Variants in CFAP77 observed in about 807,000 individuals in gnomAD.
CFAP77 encodes the protein cilia- and flagella-associated protein 77.
In CFAP77, 25 loss-of-function variants were observed where a neutral mutation model predicts 31.1. That is an observed-to-expected ratio of 0.80 (90% CI 0.59 to 1.12). The LOEUF (loss-of-function observed/expected upper bound fraction) is 1.12, where lower values mean the gene tolerates loss of function less well. CFAP77 is among the 50% of genes most tolerant of loss of function. CFAP77 has a pLI of 0.00. For synonymous variants in CFAP77, 151 were observed against 159.9 expected (o/e 0.94, Z 0.42); for missense variants, 377 against 397.3 (o/e 0.95, Z 0.44).
intron 5 of CFAP77, among the ~76,000 whole-genome samples, chr9:132,548,352 G>A (rs1304652609): frequency 1.3e-5 from 2 of 152,108 alleles, no homozygotes; most frequent in Non-Finnish European, 2.9e-5. Flanking sequence ...TCAATGAGTA[G>A]ATGCAGCTTT....
intron 5 of CFAP77, among the ~76,000 whole-genome samples, chr9:132,549,427 G>A (rs534711789): frequency 8.5e-5 from 13 of 152,272 alleles, no homozygotes; most frequent in African/African-American, 3.1e-4. Flanking sequence ...GCGGAAATAG[G>A]GCAATGGGAA....
intron 3 of CFAP77, among the ~76,000 whole-genome samples, chr9:132,510,787 C>T (rs1047905166): frequency 6.6e-6 from 1 of 152,194 alleles, no homozygotes; most frequent in African/African-American, 2.4e-5. Flanking sequence ...CTAGAAACCG[C>T]TGGAGCCTTG....
At chr9:132,569,313 G>A (rs1829925439) in intron 5 of CFAP77, among the ~76,000 whole-genome samples, 1 of 152,044 alleles carries the variant, frequency 6.6e-6, no homozygotes. Flanking sequence ...AGGCAAGGCA[G>A]GAGGATCCCT....
intron 5 of CFAP77, among the ~76,000 whole-genome samples, chr9:132,560,552 C>T (rs1435366271): frequency 6.6e-6 from 1 of 152,184 alleles, no homozygotes; most frequent in Non-Finnish European, 1.5e-5. Flanking sequence ...ATTGGTATGG[C>T]TTCTCGAAGG....
rs2118968707 is a variant in CFAP77, at chr9:132,501,253, A to T, written c.524+1653A>T. 6.6e-6 allele frequency among the ~76,000 whole-genome samples: 1 copy of T among 152,274 alleles called. No homozygotes were observed. The highest frequency in any genetic ancestry group is 1.9e-4 in the East Asian group (1 of 5,182). On this transcript the variant is annotated intron_variant, in intron 3 of 5. Coordinates refer to ENST00000393216, the MANE Select transcript of CFAP77 (RefSeq NM_001282957.2). This position sits in a 1 kb window ranked among gnomAD's most constrained non-coding sequence, Gnocchi z 4.6. ...GGCTGTGCTTCCTGATTTTGGCTCC[A>T]TTCTCTGAGAAGCTTCTTCCTCACC...
intron 3 of CFAP77, among the ~76,000 whole-genome samples, chr9:132,505,695 G>A (rs1299782266): frequency 2.6e-5 from 4 of 152,170 alleles, no homozygotes; most frequent in Admixed American, 6.5e-5. Context: ...CTGGGCAAGT[G>A]GATCTGCGCT....
At chr9:132,459,861 AGTGT>A (rs375411946) in intron 1 of CFAP77, among the ~76,000 whole-genome samples, 102 of 139,432 alleles carry the variant, frequency 7.3e-4, no homozygotes, top group African/African-American at 2.5e-3. Context: ...TCTGTGTGTG[AGTGT>A]GTGTATGTGT....
In CFAP77 at chr9:132,501,867, C is replaced by T. The variant is rs983650521; in HGVS notation, c.524+2267C>T. On this transcript the variant is annotated intron_variant, in intron 3 of 5. Transcript: ENST00000393216. This position sits in a 1 kb window ranked among gnomAD's most constrained non-coding sequence, Gnocchi z 4.6. ...GAGTCAGGGGTGAAATCAGTCCCTG[C>T]AATCTACGTGGGCCGATGGTGGAAA... is the stretch of plus-strand genomic sequence containing the variant. Among the ~76,000 whole-genome samples, 1 of 152,168 alleles carries T rather than the reference C, an allele frequency of 6.6e-6. No individual in the cohort carries two copies. The highest frequency in any genetic ancestry group is 2.4e-5 in the African/African-American group (1 of 41,444).
At chr9:132,551,813 A>G (rs1852824233) in intron 5 of CFAP77, among the ~76,000 whole-genome samples, 2 of 152,178 alleles carry the variant, frequency 1.3e-5, no homozygotes, top group Admixed American at 6.5e-5. Context: ...GCTGATAAAC[A>G]CTAAAGACTT....
chr9:132,490,940 C>T lies in CFAP77; in HGVS notation c.196-7755C>T, dbSNP rs532450858. On this transcript the variant is annotated intron_variant, in intron 1 of 5. Coordinates refer to ENST00000393216, the MANE Select transcript of CFAP77 (RefSeq NM_001282957.2). This position sits in a 1 kb window ranked among gnomAD's most constrained non-coding sequence, Gnocchi z 4.6. ...CTCCAGGCACTCTGGTTTCCTTCCACATCCCAGAGATGTGCACATTAGGTG... is the reference window on the plus strand; with the variant it reads ...CTCCAGGCACTCTGGTTTCCTTCCATATCCCAGAGATGTGCACATTAGGTG... 2.6e-4 allele frequency among the ~76,000 whole-genome samples: 39 copies of T among 152,300 alleles called. No homozygotes were observed. The highest frequency in any genetic ancestry group is 9.1e-4 in the African/African-American group (38 of 41,572).
Position 132,537,692 on chromosome 9 carries a change from GAGA to G in CFAP77, c.622_624del (p.Lys208del), listed in dbSNP as rs377006774. On this transcript the variant is annotated inframe_deletion, in exon 4 of 6. Transcript: ENST00000393216. ...GGCCACCCAGAAAGCCATCAAACTG[GAGA>G]AGAAGCAGAAGGTAAATGCAGCCCT... 1 of 1,613,248 alleles carries G rather than the reference GAGA, an allele frequency of 6.2e-7. No individual in the cohort carries two copies. The highest frequency in any genetic ancestry group is 8.5e-7 in the Non-Finnish European group (1 of 1,179,510).
intron 1 of CFAP77, among the ~76,000 whole-genome samples, chr9:132,478,458 G>A (rs1176582325): frequency 6.6e-6 from 1 of 152,140 alleles, no homozygotes; most frequent in Non-Finnish European, 1.5e-5. Flanking sequence ...TGTACTCGCC[G>A]AGAACAGGAG....
chr9:132,462,505 T>C (rs1279486081), intron 1 of CFAP77, among the ~76,000 whole-genome samples: 1 of 152,096 alleles, frequency 6.6e-6, no homozygotes, highest in African/African-American at 2.4e-5. Flanking sequence ...CCTCCAGCAA[T>C]GGCCATTTCT....
At chr9:132,464,515 C>T (rs888950057) in intron 1 of CFAP77, among the ~76,000 whole-genome samples, 2 of 151,984 alleles carry the variant, frequency 1.3e-5, no homozygotes, top group African/African-American at 4.8e-5. Flanking sequence ...ACATTCAATA[C>T]GTAAAAAAGA....
chr9:132,486,098 T>TTATTTTATTTTA (rs1851552447), intron 1 of CFAP77, among the ~76,000 whole-genome samples: 1 of 81,414 alleles, frequency 1.2e-5, no homozygotes, highest in Non-Finnish European at 2.2e-5. Context: ...ATATTTTTTT[T>TTATTTTATTTTA]TTTTTTTTTT....
rs552878263 is a variant in CFAP77, at chr9:132,545,084, C to T, written c.732+2037C>T. Among the ~76,000 whole-genome samples the T allele has an allele frequency of 2.6e-5, 4 of 152,316 alleles. No individual in the cohort carries two copies. The highest frequency in any genetic ancestry group is 2.1e-4 in the South Asian group (1 of 4,828). ...TGTCTCACTCACCTGTGTCCCACGG[C>T]GCCTGGCCCCAAGTAGGAGCTAAAT... On this transcript the variant is annotated intron_variant, in intron 5 of 5. Transcript: ENST00000393216. The surrounding 1 kb of genome is among the most constrained non-coding windows in gnomAD (Gnocchi z 4.6).
At chr9:132,506,240 A>T (rs1851928733) in intron 3 of CFAP77, among the ~76,000 whole-genome samples, 1 of 152,228 alleles carries the variant, frequency 6.6e-6, no homozygotes, top group Admixed American at 6.5e-5. Context: ...ACCAGCGTGT[A>T]AGGCCCTAAC....
chr9:132,544,093 G>T (rs1037000068), intron 5 of CFAP77, among the ~76,000 whole-genome samples: 6 of 152,200 alleles, frequency 3.9e-5, no homozygotes, highest in Non-Finnish European at 8.8e-5. Context: ...TGAAGGGACC[G>T]GTGCCTTTCT....
At chr9:132,504,089 G>A (rs912914750) in intron 3 of CFAP77, among the ~76,000 whole-genome samples, 1 of 152,170 alleles carries the variant, frequency 6.6e-6, no homozygotes, top group African/African-American at 2.4e-5. Context: ...GTGATCACCT[G>A]GTTCAAAGCC....
Sources: allele counts gnomAD v4.1 joint callset (sites outside exome capture counted in the v4.1 genomes callset), GRCh38; gene constraint gnomAD v4.1.1; non-coding constraint Gnocchi (gnomAD v3.1); transcripts MANE v1.5; gene names NCBI Gene and HGNC (gene_info 2026-07-23, HGNC 2026-07-21).